Variants in ZIM2 observed in about 807,000 individuals in gnomAD.
ZIM2 encodes zinc finger protein 656.
Under a neutral mutation model 38.6 loss-of-function variants are expected in ZIM2, and 14 were observed. The observed-to-expected ratio is 0.36, with a 90% CI of 0.24 to 0.57. The LOEUF is 0.57. Ranked by LOEUF, ZIM2 falls within the 20% of genes least tolerant of loss-of-function variation. The pLI, the probability that ZIM2 is intolerant of heterozygous loss-of-function variation, is 0.81. For synonymous variants in ZIM2, 247 were observed against 245.8 expected (o/e 1.00, Z -0.04); for missense variants, 680 against 695.1 (o/e 0.98, Z 0.24).
chr19:56,778,704 T>A (rs1389274527), intron 12 of ZIM2, among the ~76,000 whole-genome samples: 1 of 152,118 alleles, frequency 6.6e-6, no homozygotes, highest in Non-Finnish European at 1.5e-5. Context: ...AGGCTAATAA[T>A]CCCTCTATGA....
At chr19:56,836,598 A>C (rs2062133553) in intron 1 of ZIM2, among the ~76,000 whole-genome samples, 1 of 152,170 alleles carries the variant, frequency 6.6e-6, no homozygotes, top group Admixed American at 6.5e-5. Context: ...TGGGGGAAGG[A>C]CCTTCATGAT....
At chr19:56,815,802 G>A (rs2059926234) in intron 9 of ZIM2, 1 of 1,613,562 alleles carries the variant, frequency 6.2e-7, no homozygotes, top group Non-Finnish European at 8.5e-7. Flanking sequence ...CTTCACAAGG[G>A]TTCTCTCTGG....
chr19:56,826,792 T>C (rs547228386), intron 2 of ZIM2, among the ~76,000 whole-genome samples: 1 of 152,326 alleles, frequency 6.6e-6, no homozygotes, highest in African/African-American at 2.4e-5. Flanking sequence ...GCAGTTCTAC[T>C]CAATTACAAT....
chr19:56,792,530 CAAAAAAA>C (rs1215431208), intron 9 of ZIM2, among the ~76,000 whole-genome samples: 42 of 20,954 alleles, frequency 2.0e-3, no homozygotes, highest in Middle Eastern at 0.029. Context: ...GACTCTGTCT[CAAAAAAA>C]AAAAAAAAAA....
rs1428515848 is a variant in ZIM2, at chr19:56,824,358, C to T, written c.-81G>A. 3 of 1,614,024 alleles carry T rather than the reference C, an allele frequency of 1.9e-6. No individual in the cohort carries two copies. The highest frequency in any genetic ancestry group is 2.5e-6 in the Non-Finnish European group (3 of 1,180,042). Reference sequence around the variant, plus strand: ...GCTCGCACCCAAGGCTTGAGCTTTTCAGGGATGATGGTCAGGTACTGCTCA... The same window carrying T: ...GCTCGCACCCAAGGCTTGAGCTTTTTAGGGATGATGGTCAGGTACTGCTCA... On this transcript the variant is annotated 5_prime_UTR_variant, in exon 4 of 13. Coordinates refer to ENST00000629319, the MANE Select transcript of ZIM2 (RefSeq NM_001387356.1).
rs553840857 is a variant in ZIM2 at position 56,827,134 on chromosome 19, C to T, written c.-226-671G>A. ...AACTTTCTGTGAATAAAATATTTAC[C>T]GTGTTATAAAAACCATTCCAGAGCA... On this transcript the variant is annotated intron_variant, in intron 2 of 12. Coordinates refer to ENST00000629319, the MANE Select transcript of ZIM2 (RefSeq NM_001387356.1). Among the ~76,000 whole-genome samples, 3 of 152,180 alleles carry T rather than the reference C, an allele frequency of 2.0e-5. No individual in the cohort carries two copies. The South Asian group carries it at 6.2e-4, about 32-fold the overall frequency.
chr19:56,812,415 A>G (rs1364049569), intron 9 of ZIM2: 4 of 979,756 alleles, frequency 4.1e-6, no homozygotes, highest in Non-Finnish European at 4.8e-6. Context: ...TTGACTGTAA[A>G]GAATTTTTTT....
intron 9 of ZIM2, chr19:56,813,847 A>G: frequency 6.2e-7 from 1 of 1,614,198 alleles, no homozygotes; most frequent in South Asian, 1.1e-5. Context: ...AGGCTCAAAT[A>G]TGATCATGCT....
intron 11 of ZIM2, among the ~76,000 whole-genome samples, chr19:56,781,081 T>A (rs1254302626): frequency 6.6e-6 from 1 of 152,246 alleles, no homozygotes; most frequent in Non-Finnish European, 1.5e-5. Flanking sequence ...CCCTCTATTT[T>A]AAGTCATAAA....
At chr19:56,800,879 A>G (rs762695048) in intron 9 of ZIM2, among the ~76,000 whole-genome samples, 4 of 152,000 alleles carry the variant, frequency 2.6e-5, no homozygotes, top group African/African-American at 9.7e-5. Context: ...ATTATTCATA[A>G]TAGTCTTTCT....
At chr19:56,791,103 T>C (rs950691422) in intron 9 of ZIM2, 5 of 152,222 alleles carry the variant, frequency 3.3e-5, no homozygotes, top group African/African-American at 1.2e-4. Context: ...AATAACTCAG[T>C]GCCTCTGGCC....
At position 56,782,064 on chromosome 19, in the gene ZIM2, C is replaced by T. The variant is rs767848453; in HGVS notation, c.628G>A (p.Glu210Lys). The T allele has an allele frequency of 5.6e-6, 9 of 1,613,870 alleles. No individual in the cohort carries two copies. The highest frequency in any genetic ancestry group is 2.2e-5 in the South Asian group (2 of 91,078). The change falls in exon 11 of 13, where the codon GAG becomes AAG. Residue 210 changes from glutamate (E) to lysine (K), a missense_variant. Glu to Lys is a moderately conservative substitution (Grantham distance 56). Transcript: ENST00000629319. ...GGGCTGAAGTCCACAAGCACATCCT[C>T]GAAGGTCACCAACTCCTCAAACACC... ...FLVFEELVTF[E>K]DVLVDFSPEE...
At chr19:56,840,193 G>C (rs530751458) in intron 1 of ZIM2, among the ~76,000 whole-genome samples, 3 of 152,194 alleles carry the variant, frequency 2.0e-5, no homozygotes, top group Admixed American at 2.0e-4. Flanking sequence ...GACCTTGCTG[G>C]ACTTGCCGTG....
At chr19:56,797,803 A>C (rs1315461377) in intron 9 of ZIM2, among the ~76,000 whole-genome samples, 2 of 152,146 alleles carry the variant, frequency 1.3e-5, no homozygotes, top group Non-Finnish European at 2.9e-5. Flanking sequence ...CCTATGGGAG[A>C]CTACCTGAGA....
intron 9 of ZIM2, among the ~76,000 whole-genome samples, chr19:56,797,004 T>C (rs2047264755): frequency 6.6e-6 from 1 of 151,524 alleles, no homozygotes; most frequent in South Asian, 2.1e-4. Flanking sequence ...ATTCTATTGA[T>C]TTAAAGAGGC....
intron 9 of ZIM2, among the ~76,000 whole-genome samples, chr19:56,795,658 G>A (rs999952128): frequency 6.6e-6 from 1 of 152,072 alleles, no homozygotes; most frequent in South Asian, 2.1e-4. Flanking sequence ...GGCGACGTAG[G>A]AGGGCGCTCC....
At chr19:56,779,289 C>T in intron 12 of ZIM2, 88 bp downstream of exon 12, 6 of 1,400,600 alleles carry the variant, frequency 4.3e-6, no homozygotes, top group Non-Finnish European at 6.0e-6. Context: ...CCAGACTTCT[C>T]CTGGCCCAGG....
chr19:56,776,038 T>G (rs1417309124), intron 12 of ZIM2, among the ~76,000 whole-genome samples: 2 of 146,040 alleles, frequency 1.4e-5, no homozygotes, highest in Non-Finnish European at 3.0e-5. Context: ...GAGGTGGAGG[T>G]TGCAGTGAGC....
Position 56,826,047 on chromosome 19 carries a change from C to G in ZIM2, c.-151+341G>C, listed in dbSNP as rs140113764. On this transcript the variant is annotated intron_variant, in intron 3 of 12. Transcript: ENST00000629319. Reference sequence around the variant, plus strand: ...AATGCAAATGCCTCGATCCTGAAGACCTTAGCGACTGGACTATTTCCTTGC... The same window carrying G: ...AATGCAAATGCCTCGATCCTGAAGAGCTTAGCGACTGGACTATTTCCTTGC... Among the ~76,000 whole-genome samples, 26 of 152,306 alleles carry G rather than the reference C, an allele frequency of 1.7e-4. No homozygotes were observed. The East Asian group carries it at 4.8e-3, about 28-fold the overall frequency.
Sources: gnomAD v4.1 joint callset for allele counts (sites outside exome capture counted in the v4.1 genomes callset) on GRCh38, gnomAD v4.1.1 for gene constraint, MANE v1.5 for transcripts, NCBI Gene and HGNC (gene_info 2026-07-23, HGNC 2026-07-21) for gene names.